The following PITPNA variants were observed in gnomAD, a reference collection of about 807,000 sequenced individuals.
PITPNA encodes phosphatidylinositol transfer protein alpha isoform.
A neutral mutation model predicts 50.3 loss-of-function variants in PITPNA; 13 were observed. That is an observed-to-expected ratio of 0.26 (90% CI 0.17 to 0.41). The LOEUF is 0.41. PITPNA is among the 10% of genes least tolerant of loss of function. PITPNA has a pLI of 1.00. For missense variants in PITPNA, 207 were observed against 333.4 expected, an observed-to-expected ratio of 0.62 and a Z score of 2.95; for synonymous variants, 120 against 119.6, an observed-to-expected ratio of 1.00 and a Z score of -0.02.
chr17:1,560,514 T>C (rs59640477), intron 1 of PITPNA, among the ~76,000 whole-genome samples: 18,882 of 152,194 alleles, frequency 0.12, 2,338 homozygotes, highest in African/African-American at 0.32. Context: ...ACTTTTCCCT[T>C]GCAGGCTTCA....
intron 3 of PITPNA, among the ~76,000 whole-genome samples, chr17:1,552,445 C>T (rs534925083): frequency 1.3e-3 from 204 of 152,202 alleles, no homozygotes; most frequent in African/African-American, 4.7e-3. Flanking sequence ...ATATGGATTC[C>T]AGTACACAAA....
chr17:1,534,048 C>G, intron 10 of PITPNA, 51 bp downstream of exon 10: 2 of 1,609,266 alleles, frequency 1.2e-6, no homozygotes, highest in Non-Finnish European at 8.5e-7. Flanking sequence ...AAACAGTCTC[C>G]TTAATCTTCG....
At chr17:1,521,873 CTTT>C (rs869029944) in intron 10 of PITPNA, among the ~76,000 whole-genome samples, 158 of 121,818 alleles carry the variant, frequency 1.3e-3, no homozygotes, top group African/African-American at 4.7e-3. Context: ...TTTGAAGCAC[CTTT>C]TTTTTTTTTT....
intron 1 of PITPNA, among the ~76,000 whole-genome samples, chr17:1,560,811 G>A (rs949665269): frequency 6.6e-6 from 1 of 152,180 alleles, no homozygotes; most frequent in Non-Finnish European, 1.5e-5. Context: ...ATTAACATCA[G>A]ACTGGATGTC....
chr17:1,521,384 C>G (rs557088691), intron 11 of PITPNA, among the ~76,000 whole-genome samples, 195 bp downstream of exon 11: 1 of 152,188 alleles, frequency 6.6e-6, no homozygotes, highest in South Asian at 2.1e-4. Flanking sequence ...CTGGGTGGTT[C>G]TTTGGAAAAT....
chr17:1,521,794 G>A (rs1372763383), intron 10 of PITPNA, 149 bp from the exon 11 acceptor site: 2 of 667,040 alleles, frequency 3.0e-6, no homozygotes, highest in South Asian at 1.6e-5. Flanking sequence ...TGGACTCGAA[G>A]CCATACATTT....
intron 10 of PITPNA, among the ~76,000 whole-genome samples, chr17:1,522,741 G>C (rs1289487849): frequency 6.6e-6 from 1 of 152,198 alleles, no homozygotes; most frequent in Non-Finnish European, 1.5e-5. Flanking sequence ...GAACTAAACA[G>C]ACCAGTTCTC....
intron 7 of PITPNA, among the ~76,000 whole-genome samples, chr17:1,538,089 C>T (rs903560914): frequency 5.3e-5 from 8 of 152,116 alleles, no homozygotes; most frequent in African/African-American, 1.2e-4. Context: ...CGTGAGCCAC[C>T]GTGCCAGGCC....
chr17:1,550,822 C>T (rs907770363), intron 3 of PITPNA, among the ~76,000 whole-genome samples: 7 of 152,206 alleles, frequency 4.6e-5, no homozygotes, highest in Admixed American at 6.5e-5. Context: ...GCAGTTTTGG[C>T]GCTGGGAGTG....
At chr17:1,537,072 A>ATT (rs201716406) in intron 7 of PITPNA, among the ~76,000 whole-genome samples, 39 of 139,660 alleles carry the variant, frequency 2.8e-4, no homozygotes, top group Non-Finnish European at 4.9e-4. Context: ...CTAATTTTGT[A>ATT]TTTTTTTTTT....
intron 2 of PITPNA, among the ~76,000 whole-genome samples, chr17:1,554,027 C>T (rs1400726620): frequency 6.6e-6 from 1 of 152,204 alleles, no homozygotes; most frequent in Non-Finnish European, 1.5e-5. Context: ...CACATGCCAC[C>T]CTATCAAGTC....
At position 1,517,744 on chromosome 17, in the gene PITPNA, G is replaced by A. The variant is rs1185663772; in HGVS notation, c.*2817C>T. ...GTGGATAAAGAGGAAGATGTGAAGA[G>A]GAGGCAGACAAAAGCAAAAGGACAT... On this transcript the variant is annotated 3_prime_UTR_variant, in exon 12 of 12. Coordinates refer to ENST00000313486, the MANE Select transcript of PITPNA (RefSeq NM_006224.4). The A allele has an allele frequency of 1.3e-5, 2 of 152,148 alleles. No homozygotes were observed. The highest frequency in any genetic ancestry group is 2.9e-5 in the Non-Finnish European group (2 of 68,038). The allele number at this position is 152,148 out of a possible 1,614,324, so 9.4% of individuals were successfully genotyped here. A position where few individuals can be genotyped will look rare whatever the true frequency, so the allele number is the denominator to read the frequency against.
At chr17:1,546,758 G>A (rs561887559) in intron 4 of PITPNA, among the ~76,000 whole-genome samples, 110 of 152,278 alleles carry the variant, frequency 7.2e-4, no homozygotes, top group African/African-American at 2.6e-3. Context: ...GGAAACCTAG[G>A]AATCTTGGAA....
intron 3 of PITPNA, among the ~76,000 whole-genome samples, chr17:1,550,046 C>T (rs1162834573): frequency 6.6e-6 from 1 of 152,212 alleles, no homozygotes; most frequent in South Asian, 2.1e-4. Context: ...TTTAGTGCCT[C>T]AGGCCTAAGA....
intron 4 of PITPNA, among the ~76,000 whole-genome samples, chr17:1,547,154 A>ATT: frequency 6.8e-6 from 1 of 146,964 alleles, no homozygotes; most frequent in Non-Finnish European, 1.5e-5. Flanking sequence ...GAGCCCAGGA[A>ATT]TTTGAAACCA....
intron 3 of PITPNA, among the ~76,000 whole-genome samples, chr17:1,548,715 C>A (rs1214830061): frequency 6.6e-6 from 1 of 152,054 alleles, no homozygotes; most frequent in Non-Finnish European, 1.5e-5. Flanking sequence ...CTACAAGGTG[C>A]GAGAAAAACA....
Position 1,521,595 on chromosome 17 carries a change from G to A in PITPNA, c.*6C>T, listed in dbSNP as rs561468815. ...GGTACGTACAGTGCAGAGGGGAAAG[G>A]CGGCTTTAGTCATCTGCTGTCATTC... On this transcript the variant is annotated 3_prime_UTR_variant, in exon 11 of 12. Coordinates refer to ENST00000313486, the MANE Select transcript of PITPNA (RefSeq NM_006224.4). 62 of 1,612,352 alleles carry A rather than the reference G, an allele frequency of 3.8e-5. No individual in the cohort carries two copies. Among genetic ancestry groups the A allele is most frequent in the Non-Finnish European group, 4.8e-5 (57 of 1,178,520 alleles).
chr17:1,539,546 G>A (rs2075637442), intron 6 of PITPNA, among the ~76,000 whole-genome samples: 1 of 150,376 alleles, frequency 6.6e-6, no homozygotes, highest in Non-Finnish European at 1.5e-5. Flanking sequence ...CTGAAGAGCT[G>A]GGCCCGAGTG....
intron 3 of PITPNA, among the ~76,000 whole-genome samples, chr17:1,551,941 C>T (rs1371034550): frequency 1.3e-5 from 2 of 150,446 alleles, no homozygotes; most frequent in Middle Eastern, 3.5e-3. Context: ...CTGCTCTCCT[C>T]GCACCCCGGT....
Sources: gnomAD v4.1 joint callset for allele counts (sites outside exome capture counted in the v4.1 genomes callset) on GRCh38, gnomAD v4.1.1 for gene constraint, MANE v1.5 for transcripts, NCBI Gene and HGNC (gene_info 2026-07-23, HGNC 2026-07-21) for gene names.